Variants in GGA1 observed in about 807,000 individuals in gnomAD.
The protein encoded by GGA1 is ADP-ribosylation factor-binding protein GGA1.
A neutral mutation model predicts 76.9 loss-of-function variants in GGA1; 18 were observed. The observed-to-expected ratio is 0.23, with a 90% CI of 0.16 to 0.35. The LOEUF (loss-of-function observed/expected upper bound fraction) is 0.35, where lower values mean the gene tolerates loss of function less well. GGA1 is among the 10% of genes least tolerant of loss of function. The pLI is 1.00. For missense variants in GGA1, 755 were observed against 859.0 expected (o/e 0.88, Z 1.51); for synonymous variants, 342 against 354.7 (o/e 0.96, Z 0.40).
intron 1 of GGA1, among the ~76,000 whole-genome samples, chr22:37,611,016 A>G (rs1927451159): frequency 6.6e-6 from 1 of 152,204 alleles, no homozygotes; most frequent in African/African-American, 2.4e-5. Context: ...ACTCCAACTC[A>G]CGTGTCTTTG....
At chr22:37,613,222 C>T (rs1468733040) in intron 1 of GGA1, 4 of 933,342 alleles carry the variant, frequency 4.3e-6, no homozygotes, top group Non-Finnish European at 5.1e-6. Context: ...TGAGGCCCCT[C>T]ATTCTCTGCC....
chr22:37,632,284 G>C lies in GGA1; in HGVS notation c.1698+119G>C. ...CCTCCCTTGCTGGGTGGTTGGTGTA[G>C]AAGGGACCAGAAGGACTGAGCCCCA... is the stretch of plus-strand genomic sequence containing the variant. On this transcript the variant is annotated intron_variant, in intron 15 of 16. Coordinates refer to ENST00000343632, the MANE Select transcript of GGA1 (RefSeq NM_013365.5). This position sits in a 1 kb window ranked among gnomAD's most constrained non-coding sequence, Gnocchi z 5.1. 2 of 1,288,966 alleles carry C rather than the reference G, an allele frequency of 1.6e-6. No individual in the cohort carries two copies. The highest frequency in any genetic ancestry group is 2.2e-6 in the Non-Finnish European group (2 of 903,630). 79.8% of individuals were successfully genotyped at this position (1,288,966 alleles called of 1,614,324 possible).
In GGA1 at chr22:37,624,960, C is replaced by T. The variant is rs757850204; in HGVS notation, c.833-9C>T. 8 of 1,574,018 alleles carry T rather than the reference C, an allele frequency of 5.1e-6. No individual in the cohort carries two copies. The highest frequency in any genetic ancestry group is 2.3e-5 in the South Asian group (2 of 86,182). Reference sequence around the variant, plus strand: ...TTCAGCCTGGCCTCTCCCCTCCTGCCTGTTCCAGCGGAGATCCTGCAGGCC... The same window carrying T: ...TTCAGCCTGGCCTCTCCCCTCCTGCTTGTTCCAGCGGAGATCCTGCAGGCC... On this transcript the variant is annotated splice_polypyrimidine_tract_variant and intron_variant, in intron 9 of 16. Coordinates refer to ENST00000343632, the MANE Select transcript of GGA1 (RefSeq NM_013365.5). This position sits in a 1 kb window ranked among gnomAD's most constrained non-coding sequence, Gnocchi z 4.3.
At position 37,632,088 on chromosome 22, in the gene GGA1, CTGGTGGTGG is replaced by C; in HGVS notation, c.1626_1634del (p.Val543_Val545del). On this transcript the variant is annotated inframe_deletion, in exon 15 of 17. Transcript: ENST00000343632. The surrounding 1 kb of genome is among the most constrained non-coding windows in gnomAD (Gnocchi z 5.1). Reference sequence around the variant, plus strand: ...CCCACTGCCAGGGCGCTCCGACGTGCTGGTGGTGGTGGTTTCCATGCTGAGCACCGCCCC... The same window carrying C: ...CCCACTGCCAGGGCGCTCCGACGTGCTGGTTTCCATGCTGAGCACCGCCCC... 6.2e-7 allele frequency: 1 copy of C among 1,613,822 alleles called. No homozygotes were observed. Among genetic ancestry groups the C allele is most frequent in the Non-Finnish European group, 8.5e-7 (1 of 1,179,950 alleles).
intron 3 of GGA1, 118 bp downstream of exon 3, chr22:37,617,115 T>A: frequency 1.3e-6 from 2 of 1,522,806 alleles, no homozygotes; most frequent in African/African-American, 1.4e-5. Context: ...TGTGCTAAGA[T>A]GGCCCAGGAT....
chr22:37,623,586 C>T lies in GGA1; in HGVS notation c.785C>T (p.Thr262Met), dbSNP rs778449961. Residue 262 changes from threonine (T) to methionine (M), a missense_variant, in exon 9 of 17, where the codon ACG becomes ATG. Physicochemically the swap from Thr to Met is moderately conservative, Grantham distance 81. Transcript: ENST00000343632. This position sits in a 1 kb window ranked among gnomAD's most constrained non-coding sequence, Gnocchi z 4.6. ...LYQRCERMRP[T>M]LFRLASDTED... is the part of the protein sequence containing the mutation. ...CAGCGCTGTGAGCGGATGCGGCCCACGCTCTTCCGACTGGCGAGTGACACA... is the reference window on the plus strand; with the variant it reads ...CAGCGCTGTGAGCGGATGCGGCCCATGCTCTTCCGACTGGCGAGTGACACA... 2.1e-5 allele frequency: 34 copies of T among 1,606,956 alleles called. No individual in the cohort carries two copies. Among genetic ancestry groups the T allele is most frequent in the Middle Eastern group, 1.6e-4 (1 of 6,070 alleles).
At chr22:37,622,483 T>G (rs1391116167) in intron 7 of GGA1, among the ~76,000 whole-genome samples, 1 of 151,578 alleles carries the variant, frequency 6.6e-6, no homozygotes, top group African/African-American at 2.4e-5. Context: ...AGTGGCACGA[T>G]CATGGCTCAC....
intron 11 of GGA1, among the ~76,000 whole-genome samples, chr22:37,629,072 G>A (rs1480505931): frequency 1.3e-5 from 2 of 152,242 alleles, no homozygotes; most frequent in African/African-American, 2.4e-5. Context: ...CCTCGAGTGG[G>A]CCAGTGGCAG....
At chr22:37,630,728 A>G in intron 13 of GGA1, 175 bp from the exon 14 acceptor site, 1 of 581,570 alleles carries the variant, frequency 1.7e-6, no homozygotes, top group East Asian at 3.0e-5. Flanking sequence ...TACCACGCCC[A>G]GCTAGTTTTT....
At chr22:37,616,743 A>G (rs1276672590) in intron 2 of GGA1, among the ~76,000 whole-genome samples, 179 bp from the exon 3 acceptor site, 1 of 151,950 alleles carries the variant, frequency 6.6e-6, no homozygotes, top group African/African-American at 2.4e-5. Context: ...GGGCCTTTGC[A>G]TATGCCTGCA....
At chr22:37,621,854 G>A (rs1254005043) in intron 7 of GGA1, among the ~76,000 whole-genome samples, 158 bp downstream of exon 7, 1 of 152,106 alleles carries the variant, frequency 6.6e-6, no homozygotes, top group African/African-American at 2.4e-5. Context: ...GGTGTGCAGG[G>A]AAGAATTCCC....
rs1601541624 is a variant in GGA1 at position 37,624,698 on chromosome 22, G to A, written c.833-271G>A. Reference sequence around the variant, plus strand: ...TGCAGAGATCTGGGGCAGCCAGAGAGCAGAGCTGGAGTGGAGGCCTGGAGG... The same window carrying A: ...TGCAGAGATCTGGGGCAGCCAGAGAACAGAGCTGGAGTGGAGGCCTGGAGG... On this transcript the variant is annotated intron_variant, in intron 9 of 16. Coordinates refer to ENST00000343632, the MANE Select transcript of GGA1 (RefSeq NM_013365.5). This position sits in a 1 kb window ranked among gnomAD's most constrained non-coding sequence, Gnocchi z 4.3. The A allele has an allele frequency of 5.0e-6, 2 of 397,536 alleles. No individual in the cohort carries two copies. Among genetic ancestry groups the A allele is most frequent in the East Asian group, 9.9e-5 (2 of 20,160 alleles). 24.6% of individuals were successfully genotyped at this position (397,536 alleles called of 1,614,324 possible).
chr22:37,612,284 G>A (rs1220212975), intron 1 of GGA1, among the ~76,000 whole-genome samples: 8 of 149,388 alleles, frequency 5.4e-5, no homozygotes, highest in African/African-American at 1.5e-4. Context: ...CTAACACAGT[G>A]AAACCCCGTC....
chr22:37,618,185 G>T (rs1299788824), intron 3 of GGA1: 3 of 395,564 alleles, frequency 7.6e-6, no homozygotes, highest in Non-Finnish European at 1.4e-5. Flanking sequence ...TCAGATGTGG[G>T]GCCTAAGCTA....
intron 4 of GGA1, among the ~76,000 whole-genome samples, chr22:37,618,987 T>G (rs1002976742): frequency 4.6e-5 from 7 of 152,204 alleles, no homozygotes; most frequent in African/African-American, 1.7e-4. Flanking sequence ...GCCACAGACC[T>G]GAGTGATGGA....
Position 37,625,461 on chromosome 22 carries a change from G to A in GGA1, c.941-336G>A, listed in dbSNP as rs1930648680. On this transcript the variant is annotated intron_variant, in intron 10 of 16. Transcript: ENST00000343632. The surrounding 1 kb of genome is among the most constrained non-coding windows in gnomAD (Gnocchi z 4.1). ...AATAAGGGTAAGATGGCAGCCTTGG[G>A]GGGTCACAAAAGGGGTTAGAATTGG... Among the ~76,000 whole-genome samples, 1 of 152,100 alleles carries A rather than the reference G, an allele frequency of 6.6e-6. No individual in the cohort carries two copies. The highest frequency in any genetic ancestry group is 6.5e-5 in the Admixed American group (1 of 15,276).
rs143909159 is a variant in GGA1, at chr22:37,632,038, G to A, written c.1571G>A (p.Arg524His). The A allele has an allele frequency of 1.8e-4, 294 of 1,613,038 alleles. No individual in the cohort carries two copies. Among genetic ancestry groups the A allele is most frequent in the Admixed American group, 4.2e-4 (25 of 59,988 alleles). Residue 524 changes from arginine (R) to histidine (H), a missense_variant, in exon 15 of 17, where the codon CGC (arginine) becomes CAC (histidine). Arg to His is a conservative substitution (Grantham distance 29). Transcript: ENST00000343632. The surrounding 1 kb of genome is among the most constrained non-coding windows in gnomAD (Gnocchi z 5.1). ...PVTVYDQHGF[R>H]ILFHFARDPL... ...ACTGTGTATGACCAGCACGGCTTCC[G>A]CATCCTCTTCCATTTTGCCCGGGAC...
chr22:37,629,507 C>A lies in GGA1; in HGVS notation c.1139C>A (p.Thr380Asn). 3 of 1,581,566 alleles carry A rather than the reference C, an allele frequency of 1.9e-6. No individual in the cohort carries two copies. The highest frequency in any genetic ancestry group is 2.6e-6 in the Non-Finnish European group (3 of 1,166,868). The change falls in exon 12 of 17, where the codon ACC (threonine) becomes AAC (asparagine). Residue 380 changes from threonine (T) to asparagine (N), a missense_variant. Physicochemically the swap from Thr to Asn is moderately conservative, Grantham distance 65. Transcript: ENST00000343632. ...TPPSGPSLDG[T>N]GWNSFQSSDA... Reference sequence around the variant, plus strand: ...CCTTCAGGCCCAAGCCTGGATGGTACCGGATGGAACAGCTTCCAGGTAGGA... The same window carrying A: ...CCTTCAGGCCCAAGCCTGGATGGTAACGGATGGAACAGCTTCCAGGTAGGA...
rs1233279013 is a variant in GGA1 at position 37,632,186 on chromosome 22, G to A, written c.1698+21G>A. On this transcript the variant is annotated intron_variant, in intron 15 of 16. Coordinates refer to ENST00000343632, the MANE Select transcript of GGA1 (RefSeq NM_013365.5). The surrounding 1 kb of genome is among the most constrained non-coding windows in gnomAD (Gnocchi z 5.1). ...CCAAGGTGACAAGCCAGTCGGACAG[G>A]GCATGCCTCCCTCCTCTCAAGGCAG... 6.3e-7 allele frequency: 1 copy of A among 1,596,748 alleles called. No individual in the cohort carries two copies. The highest frequency in any genetic ancestry group is 8.6e-7 in the Non-Finnish European group (1 of 1,167,090).
Sources: gnomAD v4.1 joint callset for allele counts (sites outside exome capture counted in the v4.1 genomes callset) on GRCh38, gnomAD v4.1.1 for gene constraint, Gnocchi (gnomAD v3.1) non-coding constraint, MANE v1.5 for transcripts, NCBI Gene and HGNC (gene_info 2026-07-23, HGNC 2026-07-21) for gene names.